The following ATP8A2 variants were observed in gnomAD, a reference collection of about 807,000 sequenced individuals.
ATP8A2 encodes the protein phospholipid-transporting ATPase IB.
A neutral mutation model predicts 165.6 loss-of-function variants in ATP8A2; 100 were observed. That is an observed-to-expected ratio of 0.60 (90% CI 0.51 to 0.71). The LOEUF is 0.71. ATP8A2 is among the 30% of genes least tolerant of loss of function. ATP8A2 has a pLI of 0.00. For synonymous variants in ATP8A2, 543 were observed against 548.8 expected (o/e 0.99, Z 0.15); for missense variants, 1,227 against 1,479.5 (o/e 0.83, Z 2.80).
chr13:25,794,859 A>ACACACACC (rs1378534914), intron 27 of ATP8A2, among the ~76,000 whole-genome samples: 6 of 143,704 alleles, frequency 4.2e-5, no homozygotes, highest in African/African-American at 1.3e-4. Context: ...ACACACACAC[A>ACACACACC]CCTTCTCTCT....
intron 25 of ATP8A2, among the ~76,000 whole-genome samples, chr13:25,721,732 G>A (rs147782057): frequency 2.4e-3 from 369 of 152,224 alleles, no homozygotes; most frequent in African/African-American, 8.6e-3. Flanking sequence ...TTCCACTTAC[G>A]ACAGTGTTTT....
intron 24 of ATP8A2, among the ~76,000 whole-genome samples, chr13:25,609,693 A>C (rs1359662328): frequency 6.7e-6 from 1 of 148,806 alleles, no homozygotes; most frequent in Admixed American, 6.9e-5. Flanking sequence ...TCTTTAAGGA[A>C]TCTCCACACT....
intron 2 of ATP8A2, among the ~76,000 whole-genome samples, chr13:25,502,477 T>C (rs1213343360): frequency 6.6e-6 from 1 of 152,180 alleles, no homozygotes; most frequent in Non-Finnish European, 1.5e-5. Context: ...GTCATCTAAT[T>C]CCCACAGGGG....
At chr13:25,906,032 T>C (rs1953926639) in intron 33 of ATP8A2, among the ~76,000 whole-genome samples, 1 of 152,150 alleles carries the variant, frequency 6.6e-6, no homozygotes, top group African/African-American at 2.4e-5. Context: ...CTAGCACCAG[T>C]CTATATTTGC....
At chr13:25,813,229 A>G (rs1395877755) in intron 27 of ATP8A2, among the ~76,000 whole-genome samples, 1 of 152,190 alleles carries the variant, frequency 6.6e-6, no homozygotes, top group Non-Finnish European at 1.5e-5. Flanking sequence ...AATTAAAAAA[A>G]AAAGAAAGTT....
chr13:25,723,563 G>A (rs2043430037), intron 25 of ATP8A2, among the ~76,000 whole-genome samples: 1 of 152,050 alleles, frequency 6.6e-6, no homozygotes, highest in African/African-American at 2.4e-5. Context: ...ACATCATCTA[G>A]CCAGATTTTG....
At chr13:25,490,683 A>G (rs900801398) in intron 2 of ATP8A2, among the ~76,000 whole-genome samples, 9 of 152,060 alleles carry the variant, frequency 5.9e-5, no homozygotes, top group African/African-American at 1.9e-4. Context: ...CTTCTTTTGG[A>G]CTAAATTCTA....
chr13:25,665,765 A>G (rs1181823767), intron 24 of ATP8A2, among the ~76,000 whole-genome samples: 1 of 151,730 alleles, frequency 6.6e-6, no homozygotes, highest in Non-Finnish European at 1.5e-5. Flanking sequence ...CTCAGGCTGG[A>G]CTTGAACTCC....
intron 2 of ATP8A2, among the ~76,000 whole-genome samples, chr13:25,520,328 T>C (rs1397076810): frequency 6.6e-6 from 1 of 152,240 alleles, no homozygotes; most frequent in African/African-American, 2.4e-5. Flanking sequence ...GTTCAATTTA[T>C]GTTGCTGCAA....
chr13:26,008,526 G>C (rs1956786959), intron 35 of ATP8A2, among the ~76,000 whole-genome samples: 1 of 152,138 alleles, frequency 6.6e-6, no homozygotes, highest in South Asian at 2.1e-4. Flanking sequence ...ATAGAGAACG[G>C]AGGGGAGGCA....
intron 35 of ATP8A2, among the ~76,000 whole-genome samples, chr13:25,986,946 G>T (rs1446476811): frequency 1.3e-5 from 2 of 152,160 alleles, no homozygotes; most frequent in Non-Finnish European, 2.9e-5. Context: ...CATTCAGGAG[G>T]AACTACAGTG....
At chr13:25,906,131 TTCTA>T (rs1157516705) in intron 33 of ATP8A2, among the ~76,000 whole-genome samples, 1 of 152,114 alleles carries the variant, frequency 6.6e-6, no homozygotes, top group Non-Finnish European at 1.5e-5. Flanking sequence ...CCTTCCAGAT[TTCTA>T]TCTTTTTGTC....
chr13:25,882,807 T>G (rs1298618540), intron 33 of ATP8A2, among the ~76,000 whole-genome samples: 1 of 152,094 alleles, frequency 6.6e-6, no homozygotes, highest in Non-Finnish European at 1.5e-5. Flanking sequence ...ATCCCAAGCG[T>G]CTACTCACTG....
intron 24 of ATP8A2, among the ~76,000 whole-genome samples, chr13:25,665,791 C>G (rs541147069): frequency 6.6e-6 from 1 of 151,926 alleles, no homozygotes; most frequent in East Asian, 1.9e-4. Flanking sequence ...TCAAGGAATC[C>G]TCCCGCCTCA....
chr13:25,531,584 G>A (rs1328708491), intron 4 of ATP8A2, among the ~76,000 whole-genome samples: 2 of 151,522 alleles, frequency 1.3e-5, no homozygotes, highest in African/African-American at 4.8e-5. Flanking sequence ...GAATAGGTAT[G>A]TAAATAAATA....
chr13:25,730,890 A>G (rs2043606663), intron 25 of ATP8A2, among the ~76,000 whole-genome samples: 1 of 152,062 alleles, frequency 6.6e-6, no homozygotes, highest in South Asian at 2.1e-4. Context: ...AGCCTGGGAA[A>G]CAAAGTGAGA....
chr13:25,906,546 C>T (rs1953942010), intron 33 of ATP8A2, among the ~76,000 whole-genome samples: 1 of 152,074 alleles, frequency 6.6e-6, no homozygotes. Flanking sequence ...GATGAATGCT[C>T]TTGTTCTTCC....
At chr13:25,490,757 T>G (rs571571397) in intron 2 of ATP8A2, among the ~76,000 whole-genome samples, 11 of 150,292 alleles carry the variant, frequency 7.3e-5, no homozygotes, top group African/African-American at 2.8e-4. Context: ...TTGTTTGTTT[T>G]TTGTTTTTTG....
intron 24 of ATP8A2, among the ~76,000 whole-genome samples, chr13:25,649,442 A>C (rs1430050498): frequency 1.3e-5 from 2 of 152,142 alleles, no homozygotes; most frequent in Non-Finnish European, 2.9e-5. Context: ...AGTTAAGTGG[A>C]GACACTGAGA....
Sources: allele counts gnomAD v4.1 joint callset (sites outside exome capture counted in the v4.1 genomes callset), GRCh38; gene constraint gnomAD v4.1.1; transcripts MANE v1.5; gene names NCBI Gene and HGNC (gene_info 2026-07-23, HGNC 2026-07-21).